CSGALNACT1: variants seen among roughly 807,000 people sequenced by gnomAD.
CSGALNACT1 encodes chondroitin sulfate N-acetylgalactosaminyltransferase 1.
In CSGALNACT1, 52 loss-of-function variants were observed where a neutral mutation model predicts 51.0. The ratio of observed to expected loss-of-function variants is 1.02; its 90% CI spans 0.82 to 1.29. CSGALNACT1 has a LOEUF of 1.29. Ranked by LOEUF, CSGALNACT1 falls within the 50% of genes most tolerant of loss-of-function variation. The pLI is 0.00. For missense variants in CSGALNACT1, 935 were observed against 679.2 expected (o/e 1.38, Z -4.19); for synonymous variants, 341 against 254.4 (o/e 1.34, Z -3.24).
intron 1 of CSGALNACT1, among the ~76,000 whole-genome samples, chr8:19,623,100 G>A (rs1050801163): frequency 6.6e-6 from 1 of 152,118 alleles, no homozygotes; most frequent in Non-Finnish European, 1.5e-5. Flanking sequence ...TAAGGATATA[G>A]AATATTTGAC....
At chr8:19,560,717 C>G (rs962729292) in intron 3 of CSGALNACT1, among the ~76,000 whole-genome samples, 8 of 152,186 alleles carry the variant, frequency 5.3e-5, no homozygotes, top group African/African-American at 1.9e-4. Context: ...TATGACACTA[C>G]TAAGTGCTGA....
chr8:19,460,678 T>C (rs2065168747), intron 4 of CSGALNACT1, among the ~76,000 whole-genome samples: 1 of 152,250 alleles, frequency 6.6e-6, no homozygotes. Context: ...GAAAGGTACA[T>C]AAATAGATTT....
At chr8:19,692,824 C>T (rs2061399495) in intron 1 of CSGALNACT1, among the ~76,000 whole-genome samples, 3 of 152,186 alleles carry the variant, frequency 2.0e-5, no homozygotes, top group Non-Finnish European at 4.4e-5. Flanking sequence ...TCCTTAACCT[C>T]CCCAGAATCT....
chr8:19,755,067 T>C (rs2065269993), intron 1 of CSGALNACT1, among the ~76,000 whole-genome samples: 1 of 152,228 alleles, frequency 6.6e-6, no homozygotes, highest in Non-Finnish European at 1.5e-5. Context: ...AAATATTTAT[T>C]TAGTCCTTAT....
chr8:19,458,569 G>C, exon 5 of CSGALNACT1: 1 of 1,614,134 alleles, frequency 6.2e-7, no homozygotes. Context: ...TGAGCCGTTT[G>C]AATTCGTGTT....
intron 4 of CSGALNACT1, among the ~76,000 whole-genome samples, chr8:19,479,704 C>G (rs1292084125): frequency 6.6e-6 from 1 of 151,228 alleles, no homozygotes; most frequent in Non-Finnish European, 1.5e-5. Context: ...CATTAAGTTC[C>G]TTCAGAAGCT....
At chr8:19,735,888 G>T (rs1393424801) in intron 1 of CSGALNACT1, among the ~76,000 whole-genome samples, 1 of 151,932 alleles carries the variant, frequency 6.6e-6, no homozygotes, top group Non-Finnish European at 1.5e-5. Context: ...CAAATATATA[G>T]CATAGAAAAA....
intron 3 of CSGALNACT1, among the ~76,000 whole-genome samples, chr8:19,579,121 G>A (rs1235447605): frequency 6.6e-6 from 1 of 152,168 alleles, no homozygotes; most frequent in Non-Finnish European, 1.5e-5. Flanking sequence ...TTTCAACCAT[G>A]AAAGTGCCAT....
At chr8:19,666,251 G>T (rs2059163208) in intron 1 of CSGALNACT1, among the ~76,000 whole-genome samples, 1 of 151,834 alleles carries the variant, frequency 6.6e-6, no homozygotes, top group Non-Finnish European at 1.5e-5. Flanking sequence ...AGTGCTGTAG[G>T]GAAATTAAAA....
At chr8:19,691,168 A>G (rs181865181) in intron 1 of CSGALNACT1, among the ~76,000 whole-genome samples, 5 of 152,304 alleles carry the variant, frequency 3.3e-5, no homozygotes, top group Non-Finnish European at 7.4e-5. Flanking sequence ...GCAAGAGGCC[A>G]CGCCCGAAGG....
chr8:19,648,140 A>C (rs1246875594), intron 1 of CSGALNACT1, among the ~76,000 whole-genome samples: 1 of 152,230 alleles, frequency 6.6e-6, no homozygotes, highest in Non-Finnish European at 1.5e-5. Context: ...TCCTCTAAAA[A>C]CAGCTCACTA....
chr8:19,516,361 T>C (rs1464692758), intron 3 of CSGALNACT1, among the ~76,000 whole-genome samples: 3 of 152,140 alleles, frequency 2.0e-5, no homozygotes, highest in Non-Finnish European at 2.9e-5. Context: ...CACTACGCTA[T>C]ACTGTTCAAC....
chr8:19,407,927 G>GTC lies in CSGALNACT1; in HGVS notation c.1309+685_1309+686insGA, dbSNP rs1286857829. On this transcript the variant is annotated intron_variant, in intron 9 of 9. Coordinates refer to ENST00000454498, the Ensembl canonical transcript of CSGALNACT1. ...GAATTGTGTGTGTGTGTGTGTGTGT[G>GTC]TGTGTGTGTGTGTGTGTGTGTGTAT... 1.9e-3 allele frequency among the ~76,000 whole-genome samples: 209 copies of GTC among 109,982 alleles called. 3 individuals carry two copies. Among genetic ancestry groups the GTC allele is most frequent in the African/African-American group, 5.6e-3 (186 of 33,418 alleles). The allele number at this position is 109,982 out of a possible 152,430, so 72.2% of individuals were successfully genotyped here. A position where few individuals can be genotyped will look rare whatever the true frequency, so the allele number is the denominator to read the frequency against.
At chr8:19,420,549 C>G (rs368936095) in intron 6 of CSGALNACT1, 31 bp from the exon 6 acceptor site, 7 of 1,607,188 alleles carry the variant, frequency 4.4e-6, no homozygotes, top group East Asian at 2.2e-5. Flanking sequence ...CTGTCACTCA[C>G]ATTCCCACAT....
At chr8:19,672,302 G>A (rs1013195887) in intron 1 of CSGALNACT1, among the ~76,000 whole-genome samples, 2 of 152,076 alleles carry the variant, frequency 1.3e-5, no homozygotes, top group Non-Finnish European at 2.9e-5. Flanking sequence ...CACAGTAGCA[G>A]GAACAGAGAA....
At chr8:19,733,060 T>C (rs1451027971) in intron 1 of CSGALNACT1, among the ~76,000 whole-genome samples, 1 of 152,226 alleles carries the variant, frequency 6.6e-6, no homozygotes, top group Non-Finnish European at 1.5e-5. Context: ...AATGGTACAG[T>C]GCTGAAAGAG....
At chr8:19,696,828 A>T (rs2061607969) in intron 1 of CSGALNACT1, among the ~76,000 whole-genome samples, 1 of 152,188 alleles carries the variant, frequency 6.6e-6, no homozygotes, top group Non-Finnish European at 1.5e-5. Context: ...TTACAGAGAA[A>T]GCTTAGATGG....
intron 3 of CSGALNACT1, among the ~76,000 whole-genome samples, chr8:19,507,542 A>C (rs1049271437): frequency 1.3e-5 from 2 of 151,760 alleles, no homozygotes; most frequent in Non-Finnish European, 1.5e-5. Flanking sequence ...AAAAAAAAAA[A>C]AAAAAAAAAA....
chr8:19,470,583 G>A (rs556913868), intron 4 of CSGALNACT1, among the ~76,000 whole-genome samples: 49 of 152,292 alleles, frequency 3.2e-4, no homozygotes, highest in African/African-American at 1.1e-3. Flanking sequence ...AGCGAGTGGC[G>A]GAAGTGTTAA....
Sources: allele counts gnomAD v4.1 joint callset (sites outside exome capture counted in the v4.1 genomes callset), GRCh38; gene constraint gnomAD v4.1.1; transcripts MANE v1.5; gene names NCBI Gene and HGNC (gene_info 2026-07-23, HGNC 2026-07-21).